ODAD2: variants seen among roughly 807,000 people sequenced by gnomAD.
ODAD2 encodes outer dynein arm-docking complex subunit 2.
ODAD2 carries 89 observed loss-of-function variants against 106.8 expected under a neutral mutation model. The ratio of observed to expected loss-of-function variants is 0.83; its 90% CI spans 0.70 to 0.99. ODAD2 has a LOEUF of 0.99. Among genes scored for constraint, ODAD2 ranks in the 50% least tolerant of loss-of-function variants. ODAD2 has a pLI of 0.00. For missense variants in ODAD2, 1,168 were observed against 1,238.5 expected, an observed-to-expected ratio of 0.94 and a Z score of 0.85; for synonymous variants, 404 against 436.2, an observed-to-expected ratio of 0.93 and a Z score of 0.92.
At chr10:27,918,919 A>T (rs1024479036) in intron 16 of ODAD2, among the ~76,000 whole-genome samples, 1 of 150,554 alleles carries the variant, frequency 6.6e-6, no homozygotes, top group Non-Finnish European at 1.5e-5. Context: ...AAAAAAAAAA[A>T]CTGGAAAAAA....
intron 17 of ODAD2, among the ~76,000 whole-genome samples, chr10:27,878,512 G>A (rs991780290): frequency 2.6e-5 from 4 of 152,076 alleles, no homozygotes; most frequent in Admixed American, 1.3e-4. Flanking sequence ...CATACAAGGC[G>A]AGCGTAACAT....
intron 16 of ODAD2, among the ~76,000 whole-genome samples, chr10:27,912,712 AG>A (rs765735015): frequency 3.9e-5 from 6 of 152,230 alleles, no homozygotes; most frequent in Non-Finnish European, 8.8e-5. Flanking sequence ...GCTCAAACTA[AG>A]TGTGGTTTGC....
chr10:27,845,136 AG>A (rs1270045821), intron 19 of ODAD2, among the ~76,000 whole-genome samples: 4 of 25,650 alleles, frequency 1.6e-4, no homozygotes, highest in Non-Finnish European at 4.7e-4. Flanking sequence ...GTTGAAATGA[AG>A]GAAAAAGGAA....
At chr10:27,844,216 G>A (rs1014583759) in intron 19 of ODAD2, among the ~76,000 whole-genome samples, 19 of 152,034 alleles carry the variant, frequency 1.2e-4, no homozygotes, top group Admixed American at 1.0e-3. Context: ...AAGAATAATT[G>A]GCATAAATTA....
intron 1 of ODAD2, 99 bp from the exon 2 acceptor site, chr10:27,995,279 T>A: frequency 8.0e-7 from 1 of 1,248,538 alleles, no homozygotes; most frequent in East Asian, 2.6e-5. Context: ...CCATCCCACA[T>A]TCTGCTTATT....
chr10:27,926,599 G>C (rs879556940), intron 16 of ODAD2, among the ~76,000 whole-genome samples: 1 of 152,106 alleles, frequency 6.6e-6, no homozygotes, highest in Non-Finnish European at 1.5e-5. Context: ...TGAGTAAAGG[G>C]CATGGGAATT....
chr10:27,859,873 C>T (rs369282975), intron 19 of ODAD2, among the ~76,000 whole-genome samples: 1 of 152,262 alleles, frequency 6.6e-6, no homozygotes, highest in South Asian at 2.1e-4. Flanking sequence ...GTCTTTGAAT[C>T]TATCTATTGT....
intron 10 of ODAD2, among the ~76,000 whole-genome samples, chr10:27,956,405 C>T (rs1160372385): frequency 6.6e-6 from 1 of 152,130 alleles, no homozygotes; most frequent in African/African-American, 2.4e-5. Context: ...CCCTAGAGGC[C>T]TCCATCATTG....
intron 16 of ODAD2, among the ~76,000 whole-genome samples, chr10:27,925,556 T>C (rs1315741244): frequency 1.3e-5 from 2 of 152,106 alleles, no homozygotes; most frequent in Non-Finnish European, 2.9e-5. Flanking sequence ...CAGGGCCTCA[T>C]TACGTTTTCC....
intron 16 of ODAD2, among the ~76,000 whole-genome samples, chr10:27,909,690 C>T (rs111585684): frequency 7.2e-5 from 11 of 151,864 alleles, no homozygotes; most frequent in East Asian, 1.9e-4. Context: ...TGGTGGCACG[C>T]GCCTGTAGTC....
At chr10:27,941,028 A>C (rs1846381334) in intron 12 of ODAD2, among the ~76,000 whole-genome samples, 1 of 152,214 alleles carries the variant, frequency 6.6e-6, no homozygotes, top group Admixed American at 6.5e-5. Flanking sequence ...CCTTCCCACA[A>C]GAAATGTAAG....
chr10:27,952,074 C>CAAAAAAAAAAAA (rs71388944), intron 10 of ODAD2, among the ~76,000 whole-genome samples: 7 of 44,028 alleles, frequency 1.6e-4, no homozygotes, highest in Non-Finnish European at 2.7e-4. Flanking sequence ...GATGCCAACT[C>CAAAAAAAAAAAA]AAAAAAAAAA....
chr10:27,983,191 C>T (rs759113174), intron 6 of ODAD2, among the ~76,000 whole-genome samples: 29 of 152,188 alleles, frequency 1.9e-4, no homozygotes, highest in Non-Finnish European at 3.5e-4. Flanking sequence ...CACCTCACCC[C>T]CTGGGAAATA....
intron 11 of ODAD2, 126 bp from the exon 12 acceptor site, chr10:27,944,557 T>C (rs996961416): frequency 4.5e-6 from 4 of 879,272 alleles, no homozygotes; most frequent in Non-Finnish European, 7.0e-6. Context: ...TCCCAGAGGT[T>C]ACACACATCT....
intron 17 of ODAD2, among the ~76,000 whole-genome samples, chr10:27,882,225 GAAA>G (rs1841787145): frequency 2.0e-5 from 3 of 150,724 alleles, no homozygotes; most frequent in African/African-American, 7.3e-5. Flanking sequence ...AAGAAAGAAA[GAAA>G]GAAAGAAATA....
At chr10:27,893,370 G>A (rs1190216392) in intron 17 of ODAD2, among the ~76,000 whole-genome samples, 2 of 152,118 alleles carry the variant, frequency 1.3e-5, no homozygotes, top group African/African-American at 4.8e-5. Context: ...ACACCACAGG[G>A]ACACACATAT....
intron 14 of ODAD2, among the ~76,000 whole-genome samples, chr10:27,938,604 C>T (rs7916958): frequency 0.52 from 75,042 of 144,022 alleles, 19,507 homozygotes; most frequent in Middle Eastern, 0.63. Flanking sequence ...CTTCTTTTTT[C>T]TTTTTTTTTT....
intron 2 of ODAD2, 93 bp downstream of exon 2, chr10:27,994,826 A>C (rs1850454229): frequency 1.5e-6 from 2 of 1,366,870 alleles, no homozygotes; most frequent in Non-Finnish European, 2.0e-6. Flanking sequence ...TGAGGTTCAG[A>C]GAGGTTAGGT....
At chr10:27,928,097 G>A (rs1477891852) in intron 16 of ODAD2, among the ~76,000 whole-genome samples, 1 of 151,984 alleles carries the variant, frequency 6.6e-6, no homozygotes, top group Non-Finnish European at 1.5e-5. Flanking sequence ...CATTTGTCAG[G>A]TGCCTACCCT....
Sources: gnomAD v4.1 joint callset for allele counts (sites outside exome capture counted in the v4.1 genomes callset) on GRCh38, gnomAD v4.1.1 for gene constraint, MANE v1.5 for transcripts, NCBI Gene and HGNC (gene_info 2026-07-23, HGNC 2026-07-21) for gene names.